Variants in NUP153 observed in about 807,000 individuals in gnomAD.
NUP153 encodes nuclear pore complex protein Nup153.
A neutral mutation model predicts 134.6 loss-of-function variants in NUP153; 27 were observed. That is an observed-to-expected ratio of 0.20 (90% CI 0.15 to 0.28). The LOEUF (loss-of-function observed/expected upper bound fraction) is 0.28. Ranked by LOEUF, NUP153 falls within the 10% of genes least tolerant of loss-of-function variation. The probability of loss-of-function intolerance (pLI) is 1.00; values close to 1 mark genes in which losing one functional copy is unlikely to be tolerated. For missense variants in NUP153, 1,821 were observed against 1,731.3 expected (o/e 1.05, Z -0.92); for synonymous variants, 640 against 623.5 (o/e 1.03, Z -0.40).
chr6:17,641,809 A>G (rs1455633834), intron 14 of NUP153, among the ~76,000 whole-genome samples: 10 of 151,438 alleles, frequency 6.6e-5, no homozygotes, highest in Non-Finnish European at 1.2e-4. Flanking sequence ...ACGAGCTTGC[A>G]CAACTGCACT....
chr6:17,641,811 A>G (rs948646794), intron 14 of NUP153, among the ~76,000 whole-genome samples: 6 of 151,158 alleles, frequency 4.0e-5, no homozygotes, highest in Non-Finnish European at 8.8e-5. Context: ...GAGCTTGCAC[A>G]ACTGCACTCC....
intron 14 of NUP153, among the ~76,000 whole-genome samples, chr6:17,643,676 C>T (rs1320655918): frequency 2.0e-5 from 3 of 152,166 alleles, no homozygotes; most frequent in Non-Finnish European, 2.9e-5. Flanking sequence ...ACAAAGTAAT[C>T]ATGACTTCCA....
At chr6:17,616,289 G>GCC in intron 21 of NUP153, 108 bp from the exon 22 acceptor site, 2 of 467,364 alleles carry the variant, frequency 4.3e-6, no homozygotes, top group Admixed American at 3.3e-5. Context: ...GGGTGGGGGG[G>GCC]GAGTAGACTC....
chr6:17,632,894 T>G (rs758954965), intron 16 of NUP153, 50 bp from the exon 17 acceptor site: 1 of 1,417,508 alleles, frequency 7.1e-7, no homozygotes. Flanking sequence ...CATGAAAATT[T>G]TAATTTACAG....
chr6:17,621,383 T>C (rs1764635450), intron 20 of NUP153, among the ~76,000 whole-genome samples: 1 of 152,206 alleles, frequency 6.6e-6, no homozygotes, highest in African/African-American at 2.4e-5. Flanking sequence ...GAAATCAGTA[T>C]ATCAAAGAGA....
Position 17,646,079 on chromosome 6 carries a change from T to A in NUP153, c.1708A>T (p.Ile570Leu). The change falls in exon 14 of 22, where the codon ATA becomes TTA. Residue 570 changes from isoleucine (I) to leucine (L), a missense_variant. Ile to Leu is a conservative substitution (Grantham distance 5). Coordinates refer to ENST00000262077, the MANE Select transcript of NUP153 (RefSeq NM_005124.4). ...SGSSSTLEPI[I>L]SSSAHHVTTV... ...AATTTTTACTTACCTGAACTACTTA[T>A]AATTGGTTCTAAAGTACTACTAGAA... 1 of 1,554,358 alleles carries A rather than the reference T, an allele frequency of 6.4e-7. No individual in the cohort carries two copies. The highest frequency in any genetic ancestry group is 8.9e-7 in the Non-Finnish European group (1 of 1,128,328).
At position 17,671,366 on chromosome 6, in the gene NUP153, T is replaced by A. The variant is rs563624647; in HGVS notation, c.853-1820A>T. On this transcript the variant is annotated intron_variant, in intron 5 of 21. Coordinates refer to ENST00000262077, the MANE Select transcript of NUP153 (RefSeq NM_005124.4). ...TACTCTCCTACTATACATAAGAGTT[T>A]GTGTAGAATTGGTATTATTTCTTTC... is the stretch of plus-strand genomic sequence containing the variant. Among the ~76,000 whole-genome samples the A allele has an allele frequency of 3.7e-3, 568 of 152,304 alleles. 3 individuals carry two copies. The highest frequency in any genetic ancestry group is 0.013 in the African/African-American group (521 of 41,560).
chr6:17,703,122 C>T (rs1770235515), intron 1 of NUP153, among the ~76,000 whole-genome samples: 1 of 147,486 alleles, frequency 6.8e-6, no homozygotes, highest in Non-Finnish European at 1.5e-5. Flanking sequence ...GGAATGAACC[C>T]AGGAGGCAAA....
Position 17,616,131 on chromosome 6 carries a change from C to T in NUP153, c.4394G>A (p.Arg1465His), listed in dbSNP as rs1233513084. 3 of 1,613,676 alleles carry T rather than the reference C, an allele frequency of 1.9e-6. No homozygotes were observed. Among genetic ancestry groups the T allele is most frequent in the Non-Finnish European group, 2.5e-6 (3 of 1,179,706 alleles). The change falls in exon 22 of 22, where the codon CGC (arginine) becomes CAC (histidine). Residue 1465 changes from arginine (R) to histidine (H), a missense_variant. Arg to His is a conservative substitution (Grantham distance 29). Coordinates refer to ENST00000262077, the MANE Select transcript of NUP153 (RefSeq NM_005124.4). ...GCGTCTAACAGCAGTCTTTATCTTG[C>T]GACCAGAGAATGAAGTTCCAGAAGA... is the stretch of plus-strand genomic sequence containing the variant. The part of the protein sequence containing the change: ...FSSSGTSFSG[R>H]KIKTAVRRRK
In NUP153 at chr6:17,706,436, G is replaced by A. The variant is rs753696795; in HGVS notation, c.-49C>T. On this transcript the variant is annotated 5_prime_UTR_variant, in exon 1 of 22. Coordinates refer to ENST00000262077, the MANE Select transcript of NUP153 (RefSeq NM_005124.4). The surrounding 1 kb of genome is among the most constrained non-coding windows in gnomAD (Gnocchi z 5.9). Reference sequence around the variant, plus strand: ...CTCCGGGGCGGGTAAGGGGGCGGGAGAGGCAGAGGCGGAGGCCTTAGAGAG... The same window carrying A: ...CTCCGGGGCGGGTAAGGGGGCGGGAAAGGCAGAGGCGGAGGCCTTAGAGAG... The A allele has an allele frequency of 2.0e-6, 3 of 1,477,392 alleles. No homozygotes were observed. Among genetic ancestry groups the A allele is most frequent in the South Asian group, 1.1e-5 (1 of 87,810 alleles). The allele number at this position is 1,477,392 out of a possible 1,614,324, so 91.5% of individuals were successfully genotyped here. A position where few individuals can be genotyped will look rare whatever the true frequency, so the allele number is the denominator to read the frequency against.
chr6:17,703,533 G>C (rs1171983988), intron 1 of NUP153, among the ~76,000 whole-genome samples: 1 of 151,988 alleles, frequency 6.6e-6, no homozygotes, highest in Non-Finnish European at 1.5e-5. Context: ...CTTGCTTCAT[G>C]ATGACTCAGC....
intron 2 of NUP153, among the ~76,000 whole-genome samples, chr6:17,684,252 C>T (rs979185889): frequency 6.6e-6 from 1 of 152,208 alleles, no homozygotes; most frequent in African/African-American, 2.4e-5. Flanking sequence ...AATAAACCAC[C>T]TTCGTCAGTG....
intron 16 of NUP153, among the ~76,000 whole-genome samples, chr6:17,634,591 C>T (rs1250894959): frequency 3.3e-5 from 5 of 152,154 alleles, no homozygotes; most frequent in Non-Finnish European, 7.3e-5. Context: ...CATCCACGAC[C>T]ACGCCCAGCT....
At position 17,616,021 on chromosome 6, in the gene NUP153, A is replaced by C; in HGVS notation, c.*76T>G. 1 of 1,072,230 alleles carries C rather than the reference A, an allele frequency of 9.3e-7. No individual in the cohort carries two copies. The highest frequency in any genetic ancestry group is 1.4e-6 in the Non-Finnish European group (1 of 697,726). 66.4% of individuals were successfully genotyped at this position (1,072,230 alleles called of 1,614,324 possible). On this transcript the variant is annotated 3_prime_UTR_variant, in exon 22 of 22. Transcript: ENST00000262077. ...GGCAGATCTGACTTCAGATAACCCC[A>C]GCACAAAGTACAATCCAGTATCTGA...
At chr6:17,701,924 C>T (rs1433929126) in intron 1 of NUP153, among the ~76,000 whole-genome samples, 1 of 149,638 alleles carries the variant, frequency 6.7e-6, no homozygotes, top group Non-Finnish European at 1.5e-5. Context: ...TAGCTCTAAA[C>T]CAGAAGATAA....
At chr6:17,703,655 T>TAA (rs57394467) in intron 1 of NUP153, among the ~76,000 whole-genome samples, 3,212 of 142,070 alleles carry the variant, frequency 0.023, 108 homozygotes, top group African/African-American at 0.079. Context: ...TTTTTAAGAT[T>TAA]AAAAAAAAAA....
Position 17,668,973 on chromosome 6 carries a change from A to T in NUP153, c.1068+2T>A. 6.4e-7 allele frequency: 1 copy of T among 1,555,480 alleles called. No homozygotes were observed. Among genetic ancestry groups the T allele is most frequent in the Non-Finnish European group, 8.7e-7 (1 of 1,155,260 alleles). On this transcript the variant is annotated splice_donor_variant, in intron 8 of 21. Coordinates refer to ENST00000262077, the MANE Select transcript of NUP153 (RefSeq NM_005124.4). LOFTEE classifies it high-confidence loss of function. The stretch of plus-strand genomic sequence containing the variant: ...AATAACTAAATGCTAAAGAAGTTTT[A>T]CCTTTTCTCTTTTGGCCTGAAAATC...
chr6:17,641,881 T>A (rs1223313978), intron 14 of NUP153, among the ~76,000 whole-genome samples: 9 of 151,722 alleles, frequency 5.9e-5, no homozygotes. Flanking sequence ...AGAAACAAGA[T>A]GGGTCAAAAT....
At chr6:17,640,175 T>C in intron 14 of NUP153, 111 bp from the exon 15 acceptor site, 1 of 845,936 alleles carries the variant, frequency 1.2e-6, no homozygotes, top group Non-Finnish European at 1.7e-6. Context: ...TAAAAGTTCA[T>C]GAAAAAAGTC....
Sources: allele counts gnomAD v4.1 joint callset (sites outside exome capture counted in the v4.1 genomes callset), GRCh38; gene constraint gnomAD v4.1.1; non-coding constraint Gnocchi (gnomAD v3.1); transcripts MANE v1.5; gene names NCBI Gene and HGNC (gene_info 2026-07-23, HGNC 2026-07-21).